The following PDGFD variants were observed in gnomAD, a reference collection of about 807,000 sequenced individuals.
The protein encoded by PDGFD is platelet-derived growth factor D.
PDGFD carries 30 observed loss-of-function variants against 44.7 expected under a neutral mutation model. That is an observed-to-expected ratio of 0.67 (90% CI 0.50 to 0.91). PDGFD has a LOEUF of 0.91. Ranked by LOEUF, PDGFD falls within the 40% of genes least tolerant of loss-of-function variation. The pLI, the probability that PDGFD is intolerant of heterozygous loss-of-function variation, is 0.00. For synonymous variants in PDGFD, 173 were observed against 168.4 expected, an observed-to-expected ratio of 1.03 and a Z score of -0.21; for missense variants, 445 against 457.8, an observed-to-expected ratio of 0.97 and a Z score of 0.25.
At chr11:103,948,289 TAAGG>T (rs1342233520) in intron 3 of PDGFD, among the ~76,000 whole-genome samples, 1 of 152,128 alleles carries the variant, frequency 6.6e-6, no homozygotes, top group Non-Finnish European at 1.5e-5. Flanking sequence ...TCAACAAATA[TAAGG>T]AAGGATGGCA....
intron 1 of PDGFD, among the ~76,000 whole-genome samples, chr11:104,088,583 G>A (rs1293653600): frequency 6.6e-6 from 1 of 152,102 alleles, no homozygotes; most frequent in Non-Finnish European, 1.5e-5. Context: ...CTTGAGTTTA[G>A]ACTTCTTGTC....
At chr11:103,987,372 C>T (rs1859382961) in intron 3 of PDGFD, among the ~76,000 whole-genome samples, 1 of 152,120 alleles carries the variant, frequency 6.6e-6, no homozygotes, top group African/African-American at 2.4e-5. Flanking sequence ...TTCCTGAGTC[C>T]ACCTGCTAAG....
intron 1 of PDGFD, among the ~76,000 whole-genome samples, chr11:104,147,622 A>G (rs1244328214): frequency 6.6e-6 from 1 of 152,144 alleles, no homozygotes; most frequent in Non-Finnish European, 1.5e-5. Flanking sequence ...TTTTCATAAT[A>G]TTTTATTGTC....
chr11:104,026,707 A>C (rs940599258), intron 1 of PDGFD, among the ~76,000 whole-genome samples: 1 of 152,228 alleles, frequency 6.6e-6, no homozygotes, highest in African/African-American at 2.4e-5. Flanking sequence ...TGTCCAGTCC[A>C]AATGACTCTG....
intron 1 of PDGFD, among the ~76,000 whole-genome samples, chr11:104,131,801 T>TAAAAAA (rs55959221): frequency 1.1e-4 from 8 of 70,958 alleles, no homozygotes; most frequent in African/African-American, 4.5e-4. Context: ...CAATGAACTG[T>TAAAAAA]AAAAAAAAAA....
intron 3 of PDGFD, among the ~76,000 whole-genome samples, chr11:103,985,806 TATGATCACA>T (rs1286974374): frequency 6.6e-6 from 1 of 151,998 alleles, no homozygotes; most frequent in Non-Finnish European, 1.5e-5. Flanking sequence ...AACTGGAAAA[TATGATCACA>T]GCTCTACATT....
chr11:104,134,130 C>T (rs1487246455), intron 1 of PDGFD, among the ~76,000 whole-genome samples: 1 of 141,914 alleles, frequency 7.0e-6, no homozygotes, highest in Non-Finnish European at 1.5e-5. Flanking sequence ...TCACCCTTTT[C>T]AAGTATGAAC....
chr11:103,924,585 G>C (rs750847340), intron 6 of PDGFD, among the ~76,000 whole-genome samples: 3 of 152,140 alleles, frequency 2.0e-5, no homozygotes, highest in Non-Finnish European at 4.4e-5. Flanking sequence ...TATGGTCATG[G>C]TGGAACAATT....
chr11:104,141,445 A>G (rs1003021659), intron 1 of PDGFD, among the ~76,000 whole-genome samples: 8 of 151,392 alleles, frequency 5.3e-5, no homozygotes, highest in Non-Finnish European at 1.0e-4. Context: ...TCACCCAGGC[A>G]GGAGTGCAGT....
chr11:104,002,766 CT>C (rs1398272576), intron 1 of PDGFD, among the ~76,000 whole-genome samples: 1 of 152,120 alleles, frequency 6.6e-6, no homozygotes, highest in African/African-American at 2.4e-5. Context: ...GCCTCTAGTG[CT>C]ATTAATTATT....
chr11:104,131,998 A>T (rs12284800), intron 1 of PDGFD, among the ~76,000 whole-genome samples: 6,580 of 150,662 alleles, frequency 0.044, 214 homozygotes, highest in African/African-American at 0.091. Flanking sequence ...AAAACAAAAC[A>T]AAAAAAACAC....
intron 3 of PDGFD, among the ~76,000 whole-genome samples, chr11:103,949,376 G>GA (rs765988063): frequency 1.3e-5 from 2 of 152,214 alleles, no homozygotes; most frequent in African/African-American, 2.4e-5. Flanking sequence ...CTGCAAAACA[G>GA]AATAGACACT....
At chr11:104,123,259 T>C (rs891039110) in intron 1 of PDGFD, among the ~76,000 whole-genome samples, 3 of 152,116 alleles carry the variant, frequency 2.0e-5, no homozygotes, top group Non-Finnish European at 4.4e-5. Context: ...TGCTTAGGTC[T>C]TTATTATTAG....
chr11:104,101,592 G>A (rs1861382511), intron 1 of PDGFD, among the ~76,000 whole-genome samples: 1 of 152,036 alleles, frequency 6.6e-6, no homozygotes, highest in African/African-American at 2.4e-5. Flanking sequence ...AGTTCATATG[G>A]AACCAAAAAA....
intron 6 of PDGFD, among the ~76,000 whole-genome samples, chr11:103,910,474 C>T (rs1858010198): frequency 6.6e-6 from 1 of 152,168 alleles, no homozygotes; most frequent in Non-Finnish European, 1.5e-5. Flanking sequence ...GGGGTGTCCC[C>T]TCAGCCGCGA....
In PDGFD at chr11:103,907,537, A is replaced by G. The variant is rs1857953985; in HGVS notation, c.*2157T>C. 1 of 152,230 alleles carries G rather than the reference A, an allele frequency of 6.6e-6. No individual in the cohort carries two copies. Among genetic ancestry groups the G allele is most frequent in the African/African-American group, 2.4e-5 (1 of 41,456 alleles). 9.4% of individuals were successfully genotyped at this position (152,230 alleles called of 1,614,324 possible). ...AGAAGTTTTAATAAAACTCTCAGGA[A>G]AGGCAAAGAAAAGTGAGTGAATATG... On this transcript the variant is annotated 3_prime_UTR_variant, in exon 7 of 7. Coordinates refer to ENST00000393158, the MANE Select transcript of PDGFD (RefSeq NM_025208.5).
At chr11:103,973,610 G>A (rs965565259) in intron 3 of PDGFD, among the ~76,000 whole-genome samples, 1 of 152,072 alleles carries the variant, frequency 6.6e-6, no homozygotes, top group African/African-American at 2.4e-5. Context: ...CTTTATTGAG[G>A]TTTAACTATG....
At chr11:103,987,137 A>G (rs938169882) in intron 3 of PDGFD, among the ~76,000 whole-genome samples, 2 of 147,470 alleles carry the variant, frequency 1.4e-5, no homozygotes, top group Non-Finnish European at 3.0e-5. Flanking sequence ...TGATTTGAGT[A>G]ATAATAAATC....
intron 1 of PDGFD, among the ~76,000 whole-genome samples, chr11:104,140,280 A>C (rs1047507772): frequency 1.1e-4 from 17 of 152,180 alleles, no homozygotes; most frequent in African/African-American, 3.4e-4. Flanking sequence ...AAATATAACC[A>C]TGTTGCTTTA....
Sources: allele counts gnomAD v4.1 joint callset (sites outside exome capture counted in the v4.1 genomes callset), GRCh38; gene constraint gnomAD v4.1.1; transcripts MANE v1.5; gene names NCBI Gene and HGNC (gene_info 2026-07-23, HGNC 2026-07-21).